PTH2R: variants seen among roughly 807,000 people sequenced by gnomAD.
The protein encoded by PTH2R is PTH2 receptor.
In PTH2R, 59 loss-of-function variants were observed where a neutral mutation model predicts 60.3. The observed-to-expected ratio is 0.98, with a 90% CI of 0.79 to 1.22. PTH2R has a LOEUF of 1.22. PTH2R is among the 50% of genes most tolerant of loss of function. PTH2R has a pLI of 0.00. For synonymous variants in PTH2R, 256 were observed against 243.8 expected, an observed-to-expected ratio of 1.05 and a Z score of -0.47; for missense variants, 749 against 682.6, an observed-to-expected ratio of 1.10 and a Z score of -1.08.
intron 9 of PTH2R, among the ~76,000 whole-genome samples, chr2:208,476,006 A>T (rs548649632): frequency 1.2e-4 from 19 of 152,302 alleles, no homozygotes; most frequent in African/African-American, 4.3e-4. Context: ...ATTTTTTTTA[A>T]ATAAATGTTT....
intron 2 of PTH2R, among the ~76,000 whole-genome samples, chr2:208,431,102 T>C (rs560912945): frequency 3.7e-4 from 56 of 152,324 alleles, no homozygotes; most frequent in African/African-American, 1.3e-3. Flanking sequence ...TGTCGATGTC[T>C]TATGTATTTT....
intron 9 of PTH2R, among the ~76,000 whole-genome samples, chr2:208,469,146 C>T (rs1000567903): frequency 3.9e-5 from 6 of 152,176 alleles, no homozygotes; most frequent in African/African-American, 1.2e-4. Flanking sequence ...TTTCTAAAAC[C>T]TGTCAAACTG....
intron 6 of PTH2R, among the ~76,000 whole-genome samples, chr2:208,444,147 G>A (rs1702242299): frequency 6.6e-6 from 1 of 152,112 alleles, no homozygotes; most frequent in African/African-American, 2.4e-5. Flanking sequence ...CTGATTCTGG[G>A]CTGGCACTGA....
intron 9 of PTH2R, among the ~76,000 whole-genome samples, chr2:208,474,773 A>C (rs868236989): frequency 1.3e-5 from 2 of 152,206 alleles, no homozygotes; most frequent in African/African-American, 4.8e-5. Context: ...AAAACTCTAG[A>C]GGTGTTATGA....
chr2:208,385,474 A>G (rs980930292), intron 1 of PTH2R, among the ~76,000 whole-genome samples: 3 of 152,244 alleles, frequency 2.0e-5, no homozygotes, highest in South Asian at 4.1e-4. Context: ...TAGAAATTCT[A>G]AAAATGTTCT....
chr2:208,361,708 A>G (rs1262052724), intron 1 of PTH2R, among the ~76,000 whole-genome samples: 2 of 151,148 alleles, frequency 1.3e-5, no homozygotes, highest in Non-Finnish European at 2.9e-5. Flanking sequence ...TGGTTACATC[A>G]CTTAGCATGA....
chr2:208,425,638 C>T (rs1466447357), intron 1 of PTH2R, among the ~76,000 whole-genome samples: 1 of 152,202 alleles, frequency 6.6e-6, no homozygotes, highest in African/African-American at 2.4e-5. Flanking sequence ...ACACCACCAG[C>T]TTGTCTTTGA....
chr2:208,362,747 A>G (rs1401190797), intron 1 of PTH2R, among the ~76,000 whole-genome samples: 1 of 152,198 alleles, frequency 6.6e-6, no homozygotes, highest in East Asian at 1.9e-4. Context: ...AGGAAATGCC[A>G]TACTGTTTTC....
intron 1 of PTH2R, among the ~76,000 whole-genome samples, chr2:208,371,923 A>G (rs1227648883): frequency 6.6e-6 from 1 of 152,008 alleles, no homozygotes; most frequent in Non-Finnish European, 1.5e-5. Context: ...TCAATAGTTG[A>G]CACTGATTGA....
chr2:208,462,118 T>C (rs1403454569), intron 9 of PTH2R, among the ~76,000 whole-genome samples: 1 of 152,212 alleles, frequency 6.6e-6, no homozygotes, highest in Non-Finnish European at 1.5e-5. Context: ...AATTTAGTGT[T>C]ATCACAATTC....
At chr2:208,411,354 C>T (rs148089710) in intron 1 of PTH2R, among the ~76,000 whole-genome samples, 49 of 152,320 alleles carry the variant, frequency 3.2e-4, no homozygotes, top group Admixed American at 9.8e-4. Context: ...TTGGTTTGTT[C>T]TCATTCTTTT....
At chr2:208,461,076 A>T (rs1252208542) in intron 9 of PTH2R, among the ~76,000 whole-genome samples, 1 of 152,144 alleles carries the variant, frequency 6.6e-6, no homozygotes, top group Non-Finnish European at 1.5e-5. Context: ...AAGCCCATTG[A>T]AATAAATGTT....
Position 208,482,539 on chromosome 2 carries a change from A to G in PTH2R, c.1076+1375A>G, listed in dbSNP as rs958971604. Among the ~76,000 whole-genome samples, 18 of 152,340 alleles carry G rather than the reference A, an allele frequency of 1.2e-4. 1 individual carries two copies. Among genetic ancestry groups the G allele is most frequent in the African/African-American group, 4.3e-4 (18 of 41,590 alleles). ...GTATACAGAGATAAGAATTTACAATATAGTGTGTGCATTAGTAATTTCTAA... is the reference window on the plus strand; with the variant it reads ...GTATACAGAGATAAGAATTTACAATGTAGTGTGTGCATTAGTAATTTCTAA... On this transcript the variant is annotated intron_variant, in intron 10 of 12. Transcript: ENST00000272847.
intron 1 of PTH2R, among the ~76,000 whole-genome samples, chr2:208,409,194 A>G (rs991820888): frequency 3.3e-5 from 5 of 152,238 alleles, no homozygotes; most frequent in Non-Finnish European, 7.3e-5. Flanking sequence ...TTGACATTTT[A>G]AAGTCTGGAG....
chr2:208,440,652 T>C (rs943128243), intron 4 of PTH2R, among the ~76,000 whole-genome samples: 99 of 152,138 alleles, frequency 6.5e-4, no homozygotes, highest in African/African-American at 2.3e-3. Flanking sequence ...AGGACCACAG[T>C]AGAAGGGGAG....
At chr2:208,421,454 C>T (rs1284364591) in intron 1 of PTH2R, among the ~76,000 whole-genome samples, 2 of 151,162 alleles carry the variant, frequency 1.3e-5, no homozygotes, top group African/African-American at 2.4e-5. Flanking sequence ...GTATATCTTA[C>T]CTGTTTTTCT....
At chr2:208,492,886 G>T (rs1262749904) in intron 12 of PTH2R, among the ~76,000 whole-genome samples, 1 of 152,124 alleles carries the variant, frequency 6.6e-6, no homozygotes, top group Non-Finnish European at 1.5e-5. Flanking sequence ...CAGTGGGCTT[G>T]TCATGTGCCA....
At chr2:208,423,154 T>C (rs1701790280) in intron 1 of PTH2R, among the ~76,000 whole-genome samples, 1 of 152,146 alleles carries the variant, frequency 6.6e-6, no homozygotes, top group Non-Finnish European at 1.5e-5. Context: ...TACTCTTCTT[T>C]TTGTAGGTTC....
intron 9 of PTH2R, among the ~76,000 whole-genome samples, chr2:208,476,760 T>C (rs1703013340): frequency 6.6e-6 from 1 of 152,080 alleles, no homozygotes; most frequent in Non-Finnish European, 1.5e-5. Flanking sequence ...AGATATAAAG[T>C]AAGGGAGTGA....
Sources: gnomAD v4.1 joint callset for allele counts (sites outside exome capture counted in the v4.1 genomes callset) on GRCh38, gnomAD v4.1.1 for gene constraint, MANE v1.5 for transcripts, NCBI Gene and HGNC (gene_info 2026-07-23, HGNC 2026-07-21) for gene names.